Variants in MICALL2 observed in about 807,000 individuals in gnomAD.
MICALL2 encodes the protein MICAL like 2, also known as MICAL-like protein 2.
Under a neutral mutation model 91.1 loss-of-function variants are expected in MICALL2, and 111 were observed. The ratio of observed to expected loss-of-function variants is 1.22; its 90% CI spans 1.04 to 1.43. MICALL2 has a LOEUF of 1.43. Ranked by LOEUF, MICALL2 falls within the 40% of genes most tolerant of loss-of-function variation. MICALL2 has a pLI of 0.00. For missense variants in MICALL2, 1,556 were observed against 1,236.0 expected, an observed-to-expected ratio of 1.26 and a Z score of -3.88; for synonymous variants, 694 against 525.3, an observed-to-expected ratio of 1.32 and a Z score of -4.39.
intron 6 of MICALL2, among the ~76,000 whole-genome samples, chr7:1,443,573 T>G (rs1562456901): frequency 6.6e-6 from 1 of 152,164 alleles, no homozygotes; most frequent in Non-Finnish European, 1.5e-5. Context: ...TAAGATGCAC[T>G]CACGCTGGGT....
At chr7:1,436,891 A>G in intron 14 of MICALL2, 35 bp from the exon 15 acceptor site, 1 of 1,437,560 alleles carries the variant, frequency 7.0e-7, no homozygotes, top group South Asian at 1.3e-5. Flanking sequence ...AGCCCCCCCC[A>G]CCACTGCCAT....
chr7:1,446,219 G>A (rs1469080433), intron 5 of MICALL2, among the ~76,000 whole-genome samples: 15 of 970 alleles, frequency 0.015, no homozygotes, highest in South Asian at 0.083. Context: ...GGAGGGAGAG[G>A]AGGGGGGAGG....
rs746817404 is a variant in MICALL2, at chr7:1,444,895, C to T, written c.1175G>A (p.Ser392Asn). 16 of 1,575,108 alleles carry T rather than the reference C, an allele frequency of 1.0e-5. No homozygotes were observed. In the African/African-American group the frequency reaches 1.9e-4, roughly 19 times the overall value. Residue 392 changes from serine (S) to asparagine (N), a missense_variant, in exon 6 of 17, where the codon AGT (serine) becomes AAT (asparagine). Physicochemically the swap from Ser to Asn is conservative, Grantham distance 46. Coordinates refer to ENST00000297508, the MANE Select transcript of MICALL2 (RefSeq NM_182924.4). ...CGTGGCTGCAGATGTGGAGCTTGAA[C>T]TGAGTGTGGTTTGAGGAGCTGCCAC... ...PRVAAPQTTLSSSSTSAATVD... is the reference protein window; with the variant it reads ...PRVAAPQTTLNSSSTSAATVD...
chr7:1,444,353 C>A (rs915120098), intron 6 of MICALL2, among the ~76,000 whole-genome samples: 1 of 152,196 alleles, frequency 6.6e-6, no homozygotes, highest in Non-Finnish European at 1.5e-5. Context: ...CCCTTGGGTT[C>A]CAAGGGAGTG....
In MICALL2 at chr7:1,442,273, CT is replaced by C; in HGVS notation, c.1629del (p.Val545SerfsTer24). 1 of 1,612,910 alleles carries C rather than the reference CT, an allele frequency of 6.2e-7. No homozygotes were observed. On this transcript the variant is annotated frameshift_variant, in exon 7 of 17. Coordinates refer to ENST00000297508, the MANE Select transcript of MICALL2 (RefSeq NM_182924.4). LOFTEE classifies it high-confidence loss of function. The stretch of plus-strand genomic sequence containing the variant: ...GAGCCAGCACCCACCCTGCCGACCC[CT>C]GAGGATTCCGCCAAGTTCCTCCTGC... ...PAGRRNLAES[S>X]GVGRVGAGSR...
intron 9 of MICALL2, 79 bp from the exon 10 acceptor site, chr7:1,439,074 C>A: frequency 8.5e-7 from 1 of 1,173,394 alleles, no homozygotes; most frequent in South Asian, 1.5e-5. Context: ...GCACAGCCAA[C>A]AGCTCGCTGG....
At position 1,435,020 on chromosome 7, in the gene MICALL2, C is replaced by CCCAG. The variant is rs1236853291; in HGVS notation, c.2638+77_2638+80dup. 55 of 1,225,434 alleles carry CCCAG rather than the reference C, an allele frequency of 4.5e-5. No homozygotes were observed. In the East Asian group the frequency reaches 1.2e-3, roughly 26 times the overall value. 75.9% of individuals were successfully genotyped at this position (1,225,434 alleles called of 1,614,324 possible). A position where few individuals can be genotyped will look rare whatever the true frequency, so the allele number is the denominator to read the frequency against. On this transcript the variant is annotated intron_variant, in intron 16 of 16. Coordinates refer to ENST00000297508, the MANE Select transcript of MICALL2 (RefSeq NM_182924.4). Reference sequence around the variant, plus strand: ...CACCCCCAGCTGGAGGCCCGGTCCACCCAGCCAGCCAGCCCAGCACTCAGC... The same window carrying CCCAG: ...CACCCCCAGCTGGAGGCCCGGTCCACCCAGCCAGCCAGCCAGCCCAGCACTCAGC...
At chr7:1,458,064 C>T (rs1435765212) in intron 1 of MICALL2, among the ~76,000 whole-genome samples, 2 of 152,274 alleles carry the variant, frequency 1.3e-5, no homozygotes, top group African/African-American at 2.4e-5. Flanking sequence ...CAAATGGAAG[C>T]CCCTGGTGGC....
chr7:1,448,896 G>C (rs530363317), intron 2 of MICALL2, 135 bp from the exon 3 acceptor site: 1 of 1,036,860 alleles, frequency 9.6e-7, no homozygotes, highest in Non-Finnish European at 1.4e-6. Context: ...GCTGAGTTCT[G>C]CTCGCGTGGC....
chr7:1,438,042 G>A (rs1480166585), intron 12 of MICALL2, 55 bp downstream of exon 12: 20 of 1,561,608 alleles, frequency 1.3e-5, no homozygotes, highest in African/African-American at 1.4e-5. Context: ...CCAGCCCCAG[G>A]ACTGAGGGTG....
chr7:1,454,701 G>A (rs1331683809), intron 1 of MICALL2, among the ~76,000 whole-genome samples: 6 of 152,178 alleles, frequency 3.9e-5, no homozygotes, highest in Admixed American at 2.0e-4. Flanking sequence ...ACCCAACCCC[G>A]CGTGGGAGAG....
rs1779864380 is a variant in MICALL2 at position 1,434,539 on chromosome 7, G to GC, written c.*56dup. The GC allele has an allele frequency of 6.8e-7, 1 of 1,474,852 alleles. No homozygotes were observed. The highest frequency in any genetic ancestry group is 1.1e-5 in the South Asian group (1 of 88,178). The allele number at this position is 1,474,852 out of a possible 1,614,324, so 91.4% of individuals were successfully genotyped here. ...GTTCCGGGTCCGGGCCAAGCCCATG[G>GC]CCCCGAGTCCAAGTCCGGATGCCAG... On this transcript the variant is annotated 3_prime_UTR_variant, in exon 17 of 17. Transcript: ENST00000297508.
chr7:1,438,089 G>A lies in MICALL2; in HGVS notation c.2311+8C>T, dbSNP rs1048808220. 2 of 1,571,260 alleles carry A rather than the reference G, an allele frequency of 1.3e-6. No homozygotes were observed. The highest frequency in any genetic ancestry group is 1.3e-5 in the African/African-American group (1 of 74,166). ...CGGGCTGGCCCAGGGCCAGGCCGAGGCGCTCACCTCCCTCGGCCGCCCGCA... is the reference window on the plus strand; with the variant it reads ...CGGGCTGGCCCAGGGCCAGGCCGAGACGCTCACCTCCCTCGGCCGCCCGCA... On this transcript the variant is annotated splice_region_variant and intron_variant, in intron 12 of 16. Transcript: ENST00000297508.
intron 7 of MICALL2, chr7:1,440,891 T>C (rs1584207366): frequency 1.8e-6 from 1 of 560,264 alleles, no homozygotes; most frequent in South Asian, 2.0e-5. Context: ...TGTGTGTCCC[T>C]GGGGGAAGCT....
intron 1 of MICALL2, among the ~76,000 whole-genome samples, chr7:1,458,668 C>A (rs534917260): frequency 4.6e-5 from 7 of 152,344 alleles, no homozygotes; most frequent in South Asian, 2.1e-4. Context: ...CCCTATCACC[C>A]GGGGCCTCAG....
intron 15 of MICALL2, 77 bp downstream of exon 15, chr7:1,436,665 G>T (rs1473236949): frequency 1.8e-6 from 2 of 1,108,516 alleles, no homozygotes; most frequent in East Asian, 2.6e-5. Flanking sequence ...CTACGGGGCT[G>T]GCTGACCCTG....
intron 5 of MICALL2, 41 bp downstream of exon 5, chr7:1,446,672 G>C: frequency 6.9e-7 from 1 of 1,442,166 alleles, no homozygotes; most frequent in African/African-American, 1.4e-5. Context: ...TTCTGGGAGG[G>C]GAGGTGCACA....
In MICALL2 at chr7:1,452,596, C is replaced by T. The variant is rs1008145085; in HGVS notation, c.144-2308G>A. ...CAGGAGGAGGAGGCTGTCTGCCTCC[C>T]GCACTTGTTTCCGTCCACCCCAGGG... On this transcript the variant is annotated intron_variant, in intron 1 of 16. Coordinates refer to ENST00000297508, the MANE Select transcript of MICALL2 (RefSeq NM_182924.4). This position sits in a 1 kb window ranked among gnomAD's most constrained non-coding sequence, Gnocchi z 6.2. Among the ~76,000 whole-genome samples, 1 of 152,170 alleles carries T rather than the reference C, an allele frequency of 6.6e-6. No homozygotes were observed. Among genetic ancestry groups the T allele is most frequent in the Non-Finnish European group, 1.5e-5 (1 of 68,008 alleles).
At chr7:1,436,674 T>C (rs1180057276) in intron 15 of MICALL2, 68 bp downstream of exon 15, 6 of 1,240,590 alleles carry the variant, frequency 4.8e-6, no homozygotes, top group Admixed American at 2.2e-5. Context: ...TGGCTGACCC[T>C]GAGGGCCGGG....
Sources: allele counts gnomAD v4.1 joint callset (sites outside exome capture counted in the v4.1 genomes callset), GRCh38; gene constraint gnomAD v4.1.1; non-coding constraint Gnocchi (gnomAD v3.1); transcripts MANE v1.5; gene names NCBI Gene and HGNC (gene_info 2026-07-23, HGNC 2026-07-21).